The following CDH11 variants were observed in gnomAD, a reference collection of about 807,000 sequenced individuals.
CDH11 encodes the protein cadherin 11.
In CDH11, 11 loss-of-function variants were observed where a neutral mutation model predicts 67.8. The observed-to-expected ratio is 0.16, with a 90% confidence interval of 0.10 to 0.27. The LOEUF (loss-of-function observed/expected upper bound fraction) is 0.27. CDH11 is among the 10% of genes least tolerant of loss of function. CDH11 has a pLI of 1.00. For missense variants in CDH11, 847 were observed against 1,031.2 expected (o/e 0.82, Z 2.45); for synonymous variants, 419 against 400.0 (o/e 1.05, Z -0.57).
intron 1 of CDH11, among the ~76,000 whole-genome samples, chr16:65,101,205 C>A (rs1487647094): frequency 1.3e-5 from 2 of 152,188 alleles, no homozygotes; most frequent in African/African-American, 2.4e-5. Context: ...CCAAGAGATG[C>A]ATACCACTCT....
At chr16:64,959,514 T>C (rs949883262) in intron 11 of CDH11, among the ~76,000 whole-genome samples, 1 of 152,180 alleles carries the variant, frequency 6.6e-6, no homozygotes, top group Non-Finnish European at 1.5e-5. Context: ...AAGAGTGATG[T>C]CTGATCTACC....
chr16:64,974,911 A>G (rs1299835226), intron 8 of CDH11, among the ~76,000 whole-genome samples: 2 of 152,230 alleles, frequency 1.3e-5, no homozygotes, highest in Admixed American at 1.3e-4. Context: ...AATCTGCTAC[A>G]TATAAGCTAG....
In CDH11 at chr16:65,005,018, G is replaced by C; in HGVS notation, c.-149C>G. 3.6e-6 allele frequency: 5 copies of C among 1,373,564 alleles called. No homozygotes were observed. The South Asian group carries it at 8.8e-5, about 24-fold the overall frequency. The allele number at this position is 1,373,564 out of a possible 1,614,324, so 85.1% of individuals were successfully genotyped here. ...TGCTGGTTGAGCTCATCACGTCAGG[G>C]CTGCCCACGTCCCCAGTTAGCTTCT... is the stretch of plus-strand genomic sequence containing the variant. On this transcript the variant is annotated 5_prime_UTR_variant, in exon 3 of 13. Coordinates refer to ENST00000268603, the MANE Select transcript of CDH11 (RefSeq NM_001797.4).
chr16:65,010,952 CATAT>C (rs200372447), intron 2 of CDH11, among the ~76,000 whole-genome samples: 7 of 135,890 alleles, frequency 5.2e-5, no homozygotes, highest in African/African-American at 1.9e-4. Context: ...ATATGTGTGA[CATAT>C]ATATATATAT....
intron 2 of CDH11, among the ~76,000 whole-genome samples, chr16:65,036,904 T>C (rs935795782): frequency 4.6e-5 from 7 of 152,256 alleles, no homozygotes; most frequent in Middle Eastern, 3.4e-3. Flanking sequence ...AATTTTGAGA[T>C]GAGAAGACAA....
At chr16:65,042,413 C>G (rs946767232) in intron 2 of CDH11, among the ~76,000 whole-genome samples, 1 of 152,088 alleles carries the variant, frequency 6.6e-6, no homozygotes, top group Non-Finnish European at 1.5e-5. Context: ...AGCATTTCAG[C>G]TGAATCCTGA....
At chr16:65,058,782 C>T (rs2142733389) in intron 1 of CDH11, among the ~76,000 whole-genome samples, 1 of 152,222 alleles carries the variant, frequency 6.6e-6, no homozygotes, top group South Asian at 2.1e-4. Flanking sequence ...CAAGCAAGAA[C>T]TTTCTGAGCC....
At chr16:65,113,584 A>G (rs2075196320) in intron 1 of CDH11, among the ~76,000 whole-genome samples, 1 of 152,178 alleles carries the variant, frequency 6.6e-6, no homozygotes, top group Non-Finnish European at 1.5e-5. Context: ...GCAATAGGGA[A>G]CATGATTTAA....
At chr16:64,952,082 A>G (rs149713147) in intron 11 of CDH11, among the ~76,000 whole-genome samples, 18 of 152,252 alleles carry the variant, frequency 1.2e-4, no homozygotes, top group African/African-American at 3.9e-4. Flanking sequence ...TCCCCCAAGA[A>G]TGCCACACTC....
At chr16:64,989,961 T>A (rs1471120371) in intron 6 of CDH11, among the ~76,000 whole-genome samples, 5 of 152,190 alleles carry the variant, frequency 3.3e-5, no homozygotes, top group African/African-American at 1.2e-4. Flanking sequence ...TTCTTTTGGA[T>A]TCATAATCTA....
Position 64,972,855 on chromosome 16 carries a change from G to C in CDH11, c.1390+49C>G, listed in dbSNP as rs1462351732. 3 of 1,593,422 alleles carry C rather than the reference G, an allele frequency of 1.9e-6. No homozygotes were observed. The East Asian group carries it at 6.7e-5, about 36-fold the overall frequency. ...TACTTTCCAGAATATAGAGTCTGAAGCGATAATACTTGGTAAAGTAGAATC... is the reference window on the plus strand; with the variant it reads ...TACTTTCCAGAATATAGAGTCTGAACCGATAATACTTGGTAAAGTAGAATC... On this transcript the variant is annotated intron_variant, in intron 9 of 12. Transcript: ENST00000268603.
At chr16:65,027,732 C>T (rs1280039778) in intron 2 of CDH11, among the ~76,000 whole-genome samples, 1 of 152,196 alleles carries the variant, frequency 6.6e-6, no homozygotes, top group Non-Finnish European at 1.5e-5. Flanking sequence ...AGAGGCTGCT[C>T]CTGCTTCTGA....
intron 4 of CDH11, among the ~76,000 whole-genome samples, chr16:64,994,662 C>T (rs774384882): frequency 2.0e-5 from 3 of 152,150 alleles, no homozygotes; most frequent in Admixed American, 6.5e-5. Flanking sequence ...GACAAGGATG[C>T]CCACTCTCAC....
chr16:65,076,968 A>AT (rs2074523769), intron 1 of CDH11, among the ~76,000 whole-genome samples: 1 of 151,772 alleles, frequency 6.6e-6, no homozygotes, highest in Admixed American at 6.6e-5. Context: ...GATCAACCCC[A>AT]TTTTTCTCAG....
chr16:64,951,757 T>C (rs962051581), intron 11 of CDH11, among the ~76,000 whole-genome samples: 1 of 152,226 alleles, frequency 6.6e-6, no homozygotes, highest in Admixed American at 6.5e-5. Context: ...TCAAACCTTA[T>C]GCAAACTATG....
chr16:64,957,528 C>T (rs933689958), intron 11 of CDH11, among the ~76,000 whole-genome samples: 21 of 151,694 alleles, frequency 1.4e-4, no homozygotes, highest in African/African-American at 5.1e-4. Context: ...GCCTACACTG[C>T]TTTCCTTAGA....
chr16:64,982,080 G>C lies in CDH11; in HGVS notation c.1221C>G (p.Ala407=). The change falls in exon 8 of 13, where the codon GCC becomes GCG. Residue 407 remains alanine, a synonymous_variant. Coordinates refer to ENST00000268603, the MANE Select transcript of CDH11 (RefSeq NM_001797.4). ...GGCTGTTGGCAGCATCAGGGTCTTT[G>C]GCATGCACTCTCCCAACCACGGTGC... ...AAGTVVGRVH[A]KDPDAANSPI... 6.2e-7 allele frequency: 1 copy of C among 1,613,850 alleles called. No individual in the cohort carries two copies. Among genetic ancestry groups the C allele is most frequent in the South Asian group, 1.1e-5 (1 of 91,056 alleles).
At chr16:64,965,771 AACACACACACACACACACACACACAC>A (rs55992835) in intron 11 of CDH11, among the ~76,000 whole-genome samples, 1 of 145,990 alleles carries the variant, frequency 6.8e-6, no homozygotes, top group African/African-American at 2.6e-5. Context: ...CGGTGCATGA[AACACACACACACACACACACACACAC>A]ACACACACAC....
At chr16:65,041,391 T>C (rs942222060) in intron 2 of CDH11, among the ~76,000 whole-genome samples, 1 of 132,732 alleles carries the variant, frequency 7.5e-6, no homozygotes, top group Admixed American at 9.7e-5. Context: ...TCATGTTCCA[T>C]GATTATTCTC....
Sources: gnomAD v4.1 joint callset for allele counts (sites outside exome capture counted in the v4.1 genomes callset) on GRCh38, gnomAD v4.1.1 for gene constraint, MANE v1.5 for transcripts, NCBI Gene and HGNC (gene_info 2026-07-23, HGNC 2026-07-21) for gene names.